AQP7: variants seen among roughly 807,000 people sequenced by gnomAD.
The protein encoded by AQP7 is aquaporin-7.
In AQP7, 22 loss-of-function variants were observed where a neutral mutation model predicts 26.1. That is an observed-to-expected ratio of 0.84 (90% CI 0.60 to 1.20). The LOEUF (loss-of-function observed/expected upper bound fraction) is 1.20, where lower values mean the gene tolerates loss of function less well. Among genes scored for constraint, AQP7 ranks in the 50% most tolerant of loss-of-function variants. The pLI is 0.00. For synonymous variants in AQP7, 167 were observed against 181.7 expected, an observed-to-expected ratio of 0.92 and a Z score of 0.65; for missense variants, 412 against 457.5, an observed-to-expected ratio of 0.90 and a Z score of 0.91.
At position 33,385,237 on chromosome 9, in the gene AQP7, TAGG is replaced by T; in HGVS notation, c.794_796del (p.Ala265_Tyr266delinsAsp). The T allele has an allele frequency of 6.2e-7, 1 of 1,611,780 alleles. No individual in the cohort carries two copies. The highest frequency in any genetic ancestry group is 8.5e-7 in the Non-Finnish European group (1 of 1,179,804). ...GACCAGGTAGATGATGCCACCTAGA[TAGG>T]CACCCAGAAGTGGTGCCACCACTGG... On this transcript the variant is annotated inframe_deletion, in exon 8 of 8. Coordinates refer to ENST00000297988, the MANE Select transcript of AQP7 (RefSeq NM_001170.3).
intron 2 of AQP7, 147 bp downstream of exon 2, chr9:33,401,090 T>C: frequency 2.3e-6 from 2 of 868,550 alleles, no homozygotes; most frequent in Admixed American, 4.1e-5. Context: ...TTCTGGGACC[T>C]CAGAGGCGAG....
intron 2 of AQP7, among the ~76,000 whole-genome samples, chr9:33,400,806 G>C (rs1587159937): frequency 7.1e-6 from 1 of 141,332 alleles, no homozygotes; most frequent in Admixed American, 7.1e-5. Context: ...TTCCATCTCG[G>C]AAAAAAAAAA....
intron 1 of AQP7, 81 bp downstream of exon 1, chr9:33,402,292 A>G (rs1285021085): frequency 2.0e-5 from 3 of 152,400 alleles, no homozygotes; most frequent in Non-Finnish European, 2.9e-5. Flanking sequence ...TCCTCCCTGT[A>G]TGGTACCCAG....
intron 3 of AQP7, among the ~76,000 whole-genome samples, chr9:33,394,618 C>G (rs1225717558): frequency 6.6e-6 from 1 of 151,910 alleles, no homozygotes; most frequent in African/African-American, 2.4e-5. Context: ...CTGCCTCAGC[C>G]TCCTGAATAA....
rs1370354269 is a variant in AQP7 at position 33,385,074 on chromosome 9, G to A, written c.960C>T (p.Ser320=). The part of the protein sequence containing the change: ...TISPLTPVSV[S]PANRSSVHPA... ...GGTGGACTGAAGATCTGTTGGCAGG[G>A]CTCACAGAGACGGGGGTGAGGGGAG... The change falls in exon 8 of 8, where the codon AGC becomes AGT. Residue 320 remains serine (S), a synonymous_variant. Transcript: ENST00000297988. 2.5e-6 allele frequency: 4 copies of A among 1,611,970 alleles called. No homozygotes were observed. In the East Asian group the frequency reaches 8.9e-5, roughly 36 times the overall value.
chr9:33,385,305 C>T lies in AQP7; in HGVS notation c.744-15G>A. The T allele has an allele frequency of 6.2e-7, 1 of 1,602,640 alleles. No individual in the cohort carries two copies. The highest frequency in any genetic ancestry group is 1.1e-5 in the South Asian group (1 of 89,860). ...TCTCCCCATTGCTGCAGGCAAGAGG[C>T]AGAGGCCTGCTGAGGGGGCTGATGC... On this transcript the variant is annotated splice_polypyrimidine_tract_variant and intron_variant, in intron 7 of 7. Coordinates refer to ENST00000297988, the MANE Select transcript of AQP7 (RefSeq NM_001170.3).
chr9:33,394,584 G>A (rs373866986), intron 3 of AQP7, among the ~76,000 whole-genome samples: 2 of 145,274 alleles, frequency 1.4e-5, no homozygotes, highest in Non-Finnish European at 1.5e-5. Context: ...TGCAACCTCC[G>A]CCTCCTGGGC....
At chr9:33,398,165 C>T (rs1334552374) in intron 2 of AQP7, among the ~76,000 whole-genome samples, 1 of 151,404 alleles carries the variant, frequency 6.6e-6, no homozygotes, top group Non-Finnish European at 1.5e-5. Context: ...AAGGAGCCTC[C>T]AGGGAGGCAG....
At chr9:33,396,665 A>C (rs1587142534) in intron 2 of AQP7, among the ~76,000 whole-genome samples, 1 of 141,558 alleles carries the variant, frequency 7.1e-6, no homozygotes, top group Non-Finnish European at 1.6e-5. Context: ...AGGCTCCTTT[A>C]CCCACCAGCC....
intron 3 of AQP7, among the ~76,000 whole-genome samples, chr9:33,388,561 T>C (rs901814178): frequency 3.9e-5 from 6 of 152,210 alleles, no homozygotes; most frequent in African/African-American, 9.7e-5. Context: ...TATTCAGCAA[T>C]AGTATTACTA....
chr9:33,401,084 G>A, intron 2 of AQP7, 153 bp downstream of exon 2: 1 of 812,238 alleles, frequency 1.2e-6, no homozygotes, highest in Non-Finnish European at 2.0e-6. Context: ...CTCTTCTTCT[G>A]GGACCTCAGA....
intron 1 of AQP7, 27 bp from the exon 2 acceptor site, chr9:33,401,314 G>A: frequency 2.6e-6 from 4 of 1,536,842 alleles, no homozygotes; most frequent in Non-Finnish European, 3.5e-6. Flanking sequence ...AGGTCACTAG[G>A]GCTGGAGGAC....
Position 33,385,691 on chromosome 9 carries a change from C to T in AQP7, c.701G>A (p.Arg234His), listed in dbSNP as rs369644615. 60 of 1,613,650 alleles carry T rather than the reference C, an allele frequency of 3.7e-5. No individual in the cohort carries two copies. Among genetic ancestry groups the T allele is most frequent in the Non-Finnish European group, 4.3e-5 (51 of 1,179,996 alleles). ...CCAACCAGCAATGAAGGTGAAGATG[C>T]GGGGGGGCAGGTCCCGGGACGGGTT... is the stretch of plus-strand genomic sequence containing the variant. ...AINPSRDLPP[R>H]IFTFIAGWGK... is the part of the protein sequence containing the mutation. The change falls in exon 7 of 8, where the codon CGC becomes CAC. Residue 234 changes from arginine to histidine, a missense_variant. Physicochemically the swap from Arg to His is conservative, Grantham distance 29. Coordinates refer to ENST00000297988, the MANE Select transcript of AQP7 (RefSeq NM_001170.3).
chr9:33,393,018 G>T (rs1390135155), intron 3 of AQP7, among the ~76,000 whole-genome samples: 3 of 152,092 alleles, frequency 2.0e-5, no homozygotes, highest in Non-Finnish European at 2.9e-5. Context: ...ACCTGAATTC[G>T]GGAGTTCGAA....
intron 3 of AQP7, among the ~76,000 whole-genome samples, chr9:33,390,566 A>G (rs1337947896): frequency 6.6e-6 from 1 of 152,114 alleles, no homozygotes; most frequent in Non-Finnish European, 1.5e-5. Flanking sequence ...GCAGCTGAGC[A>G]GGGCCCACTG....
At chr9:33,387,718 C>T (rs1192728713) in intron 3 of AQP7, among the ~76,000 whole-genome samples, 1 of 151,964 alleles carries the variant, frequency 6.6e-6, no homozygotes, top group Non-Finnish European at 1.5e-5. Flanking sequence ...ACCTTCAGGC[C>T]CATTAGCCTC....
intron 1 of AQP7, chr9:33,401,956 G>A (rs1826320599): frequency 6.6e-6 from 1 of 152,564 alleles, no homozygotes; most frequent in Non-Finnish European, 1.5e-5. Context: ...CTCAGGAGGG[G>A]ACTGCGTGGG....
intron 3 of AQP7, among the ~76,000 whole-genome samples, chr9:33,392,953 C>T (rs890094005): frequency 3.9e-4 from 59 of 152,248 alleles, no homozygotes; most frequent in African/African-American, 1.3e-3. Flanking sequence ...GTGGGCCGGG[C>T]GAGGTGACTC....
Position 33,385,033 on chromosome 9 carries a change from T to A in AQP7, c.1001A>T (p.His334Leu). The change falls in exon 8 of 8, where the codon CAT (histidine) becomes CTT (leucine). Residue 334 changes from histidine (H) to leucine (L), a missense_variant. Transcript: ENST00000297988. ...GAAGTGCTCTAGGGCCATGGATTCA[T>A]GTAAGGGTGGGGCAGGGTGGACTGA... ...RSSVHPAPPLHESMALEHF is the reference protein window; with the variant it reads ...RSSVHPAPPLLESMALEHF 6.2e-7 allele frequency: 1 copy of A among 1,611,630 alleles called. No homozygotes were observed. The highest frequency in any genetic ancestry group is 8.5e-7 in the Non-Finnish European group (1 of 1,179,718).
Sources: gnomAD v4.1 joint callset for allele counts (sites outside exome capture counted in the v4.1 genomes callset) on GRCh38, gnomAD v4.1.1 for gene constraint, MANE v1.5 for transcripts, NCBI Gene and HGNC (gene_info 2026-07-23, HGNC 2026-07-21) for gene names.